The following IL1RAPL2 variants were observed in gnomAD, a reference collection of about 807,000 sequenced individuals.
IL1RAPL2 encodes X-linked interleukin-1 receptor accessory protein-like 2.
Under a neutral mutation model 44.1 loss-of-function variants are expected in IL1RAPL2, and 3 were observed. That is an observed-to-expected ratio of 0.07 (90% CI 0.03 to 0.18). The LOEUF (loss-of-function observed/expected upper bound fraction) is 0.18. Among genes scored for constraint, IL1RAPL2 ranks in the 10% least tolerant of loss-of-function variants. IL1RAPL2 has a pLI of 1.00. For missense variants in IL1RAPL2, 391 were observed against 496.4 expected, an observed-to-expected ratio of 0.79 and a Z score of 2.02; for synonymous variants, 181 against 178.8, an observed-to-expected ratio of 1.01 and a Z score of -0.10.
At chrX:104,758,786 GATCTGATGATCT>G (rs1430160278) in intron 2 of IL1RAPL2, among the ~76,000 whole-genome samples, 1 of 111,643 alleles carries the variant, frequency 9.0e-6, no homozygotes, top group South Asian at 3.7e-4. Context: ...TCTCCCTGAT[GATCTGATGATCT>G]ACTTTACTTT....
intron 2 of IL1RAPL2, among the ~76,000 whole-genome samples, chrX:104,949,292 C>G (rs1400008098): frequency 1.9e-4 from 21 of 110,582 alleles, no homozygotes; most frequent in Non-Finnish European, 3.8e-4. Context: ...TATTGCATGT[C>G]TTTGATTCTT....
At chrX:104,609,642 A>C (rs1453739693) in intron 1 of IL1RAPL2, among the ~76,000 whole-genome samples, 1 of 111,577 alleles carries the variant, frequency 9.0e-6, no homozygotes, top group Non-Finnish European at 1.9e-5. Flanking sequence ...TGATCGAATC[A>C]GCTTTTGAAG....
intron 1 of IL1RAPL2, among the ~76,000 whole-genome samples, chrX:104,625,305 A>T (rs1342656403): frequency 1.8e-5 from 2 of 111,426 alleles, no homozygotes; most frequent in Non-Finnish European, 3.8e-5. Context: ...CCTTGGCCAA[A>T]ACAAAACAAA....
At chrX:105,634,845 C>T (rs1420514996) in intron 6 of IL1RAPL2, among the ~76,000 whole-genome samples, 1 of 111,347 alleles carries the variant, frequency 9.0e-6, no homozygotes, top group Non-Finnish European at 1.9e-5. Flanking sequence ...TAAGAATTTT[C>T]TTATTTAATT....
intron 5 of IL1RAPL2, among the ~76,000 whole-genome samples, chrX:105,429,060 A>T (rs1426142312): frequency 8.9e-6 from 1 of 111,797 alleles, no homozygotes; most frequent in Non-Finnish European, 1.9e-5. Flanking sequence ...AAAGCTTTGA[A>T]ATATAAAAAT....
chrX:105,476,949 G>A (rs750763490), intron 5 of IL1RAPL2, among the ~76,000 whole-genome samples: 7 of 112,167 alleles, frequency 6.2e-5, no homozygotes, highest in South Asian at 3.7e-4. Flanking sequence ...GGTGCCCAAT[G>A]TGTGCCTACA....
chrX:105,556,811 T>C (rs977901045), intron 6 of IL1RAPL2, among the ~76,000 whole-genome samples: 2 of 111,861 alleles, frequency 1.8e-5, no homozygotes, highest in African/African-American at 6.5e-5. Context: ...TGTTCTTTTA[T>C]AGATATCAAA....
At chrX:105,325,562 T>C (rs1603066771) in intron 5 of IL1RAPL2, among the ~76,000 whole-genome samples, 1 of 98,538 alleles carries the variant, frequency 1.0e-5, no homozygotes, top group Non-Finnish European at 2.0e-5. Flanking sequence ...TATATATATA[T>C]ATATATATAT....
At chrX:105,158,610 A>G (rs2033292533) in intron 2 of IL1RAPL2, among the ~76,000 whole-genome samples, 1 of 112,129 alleles carries the variant, frequency 8.9e-6, no homozygotes, top group African/African-American at 3.2e-5. Context: ...AAATTTTATC[A>G]TCTTTGCCAT....
At chrX:104,893,138 C>T (rs1302877114) in intron 2 of IL1RAPL2, among the ~76,000 whole-genome samples, 1 of 112,010 alleles carries the variant, frequency 8.9e-6, no homozygotes, top group Non-Finnish European at 1.9e-5. Context: ...AGTTTGATTG[C>T]ACTGTGGTCT....
intron 2 of IL1RAPL2, among the ~76,000 whole-genome samples, chrX:104,839,155 TG>T (rs1244935173): frequency 9.0e-6 from 1 of 110,691 alleles, no homozygotes; most frequent in African/African-American, 3.3e-5. Context: ...GGCCCTCTTG[TG>T]CCTGAAAGGG....
At chrX:104,833,077 TTCA>T (rs1208686754) in intron 2 of IL1RAPL2, among the ~76,000 whole-genome samples, 1 of 112,273 alleles carries the variant, frequency 8.9e-6, no homozygotes, top group African/African-American at 3.2e-5. Context: ...CTATGAATTG[TTCA>T]TCGTCATCTG....
chrX:104,926,740 T>C (rs1303533049), intron 2 of IL1RAPL2, among the ~76,000 whole-genome samples: 1 of 112,023 alleles, frequency 8.9e-6, no homozygotes, highest in Non-Finnish European at 1.9e-5. Flanking sequence ...ATCTTTGAAC[T>C]CTGGATTGAC....
At chrX:105,473,599 A>T (rs2036178581) in intron 5 of IL1RAPL2, among the ~76,000 whole-genome samples, 1 of 112,294 alleles carries the variant, frequency 8.9e-6, no homozygotes, top group African/African-American at 3.2e-5. Flanking sequence ...ACATCCAAAC[A>T]ACTGAACTTA....
intron 6 of IL1RAPL2, among the ~76,000 whole-genome samples, chrX:105,702,425 A>C (rs1393096580): frequency 8.9e-6 from 1 of 111,850 alleles, no homozygotes; most frequent in Non-Finnish European, 1.9e-5. Flanking sequence ...GAAAATTTGC[A>C]GTATGGTCAC....
intron 2 of IL1RAPL2, among the ~76,000 whole-genome samples, chrX:104,970,964 C>A (rs190471668): frequency 8.9e-6 from 1 of 111,929 alleles, no homozygotes; most frequent in African/African-American, 3.2e-5. Context: ...ATTGTCTTTA[C>A]CTAGAACTTT....
rs771607804 is a variant in IL1RAPL2 at position 105,595,012 on chromosome X, C to T, written c.772+110625C>T. ...ACACAATATACCCATGTAACACACT[C>T]ATTCTGAGATTGATAATTAATTGGG... On this transcript the variant is annotated intron_variant, in intron 6 of 10. Transcript: ENST00000372582. 6.3e-5 allele frequency among the ~76,000 whole-genome samples: 7 copies of T among 111,856 alleles called. No homozygotes were observed. The East Asian group carries it at 1.7e-3, about 27-fold the overall frequency.
At chrX:105,280,760 A>G (rs1174426954) in intron 5 of IL1RAPL2, among the ~76,000 whole-genome samples, 1 of 111,358 alleles carries the variant, frequency 9.0e-6, no homozygotes, top group East Asian at 2.8e-4. Context: ...GTGATCATTA[A>G]AAAGTCAGGA....
chrX:105,417,900 G>T (rs766858976), intron 5 of IL1RAPL2, among the ~76,000 whole-genome samples: 25 of 111,483 alleles, frequency 2.2e-4, no homozygotes, highest in Non-Finnish European at 4.3e-4. Flanking sequence ...AATTTCTTCT[G>T]CTGAGAATAC....
Sources: gnomAD v4.1 joint callset for allele counts (sites outside exome capture counted in the v4.1 genomes callset) on GRCh38, gnomAD v4.1.1 for gene constraint, MANE v1.5 for transcripts, NCBI Gene and HGNC (gene_info 2026-07-23, HGNC 2026-07-21) for gene names.